LRRC7: variants seen among roughly 807,000 people sequenced by gnomAD.
LRRC7 encodes leucine-rich repeat-containing protein 7.
Under a neutral mutation model 175.7 loss-of-function variants are expected in LRRC7, and 23 were observed. The ratio of observed to expected loss-of-function variants is 0.13; its 90% confidence interval spans 0.09 to 0.19. LRRC7 has a LOEUF of 0.19. Among genes scored for constraint, LRRC7 ranks in the 10% least tolerant of loss-of-function variants. LRRC7 has a pLI of 1.00. For synonymous variants in LRRC7, 685 were observed against 680.9 expected, an observed-to-expected ratio of 1.01 and a Z score of -0.09; for missense variants, 1,354 against 1,904.7, an observed-to-expected ratio of 0.71 and a Z score of 5.38.
chr1:70,004,174 A>G (rs961848881), intron 11 of LRRC7, among the ~76,000 whole-genome samples: 1 of 152,208 alleles, frequency 6.6e-6, no homozygotes, highest in African/African-American at 2.4e-5. Context: ...TTTCTAATGA[A>G]TGCGTTTTCG....
chr1:69,960,328 C>T (rs1650923976), intron 8 of LRRC7, among the ~76,000 whole-genome samples: 1 of 151,622 alleles, frequency 6.6e-6, no homozygotes, highest in Non-Finnish European at 1.5e-5. Flanking sequence ...AGTGGTAATA[C>T]CCCCCCTTAT....
At chr1:69,622,541 T>C (rs533425708) in intron 1 of LRRC7, among the ~76,000 whole-genome samples, 1 of 152,310 alleles carries the variant, frequency 6.6e-6, no homozygotes, top group East Asian at 1.9e-4. Flanking sequence ...ACTTTATATA[T>C]TGACATACAA....
At position 70,134,912 on chromosome 1, in the gene LRRC7, T is replaced by C; in HGVS notation, c.*13025T>C. Among the ~76,000 whole-genome samples, 1 of 152,210 alleles carries C rather than the reference T, an allele frequency of 6.6e-6. No homozygotes were observed. The highest frequency in any genetic ancestry group is 1.9e-4 in the East Asian group (1 of 5,204). On this transcript the variant is annotated 3_prime_UTR_variant, in exon 27 of 27. Coordinates refer to ENST00000651989, the MANE Select transcript of LRRC7 (RefSeq NM_001370785.2). ...CCACCATTGTTTTGGATACAGCTTT[T>C]GAGTTTTTGATTTGCCTGATGTTCT...
intron 8 of LRRC7, among the ~76,000 whole-genome samples, 184 bp downstream of exon 8, chr1:69,931,754 C>T (rs1388758877): frequency 6.6e-6 from 1 of 152,104 alleles, no homozygotes; most frequent in Non-Finnish European, 1.5e-5. Flanking sequence ...GAGCCAGATA[C>T]AAATTGATAG....
chr1:69,877,396 T>C (rs1686137684), intron 7 of LRRC7, among the ~76,000 whole-genome samples: 3 of 152,076 alleles, frequency 2.0e-5, no homozygotes, highest in Admixed American at 1.3e-4. Flanking sequence ...GAGGCTACAA[T>C]GAGCTATGAT....
intron 1 of LRRC7, among the ~76,000 whole-genome samples, chr1:69,664,894 A>G (rs1383646982): frequency 6.6e-6 from 1 of 152,166 alleles, no homozygotes; most frequent in Non-Finnish European, 1.5e-5. Flanking sequence ...AATGTCCTGG[A>G]GAATTTCTTC....
intron 7 of LRRC7, among the ~76,000 whole-genome samples, chr1:69,905,978 T>C (rs1414685277): frequency 2.6e-5 from 4 of 152,260 alleles, no homozygotes; most frequent in Non-Finnish European, 4.4e-5. Flanking sequence ...TATCTCATTG[T>C]GGTTTTGATT....
At chr1:70,012,417 T>G (rs1402126302) in intron 12 of LRRC7, among the ~76,000 whole-genome samples, 1 of 151,888 alleles carries the variant, frequency 6.6e-6, no homozygotes, top group Non-Finnish European at 1.5e-5. Context: ...GTACATTTTT[T>G]AAATTTACTT....
At chr1:69,598,045 C>A (rs1646912342) in intron 1 of LRRC7, among the ~76,000 whole-genome samples, 1 of 152,132 alleles carries the variant, frequency 6.6e-6, no homozygotes, top group South Asian at 2.1e-4. Flanking sequence ...ATTTGTTGAG[C>A]AAAATCCTGC....
chr1:69,815,427 G>C (rs947948319), intron 4 of LRRC7, among the ~76,000 whole-genome samples: 6 of 152,072 alleles, frequency 3.9e-5, no homozygotes, highest in Non-Finnish European at 8.8e-5. Context: ...AAGGTTGGCT[G>C]TGTCTTTTTT....
At chr1:69,681,847 A>G (rs2100616816) in intron 2 of LRRC7, among the ~76,000 whole-genome samples, 1 of 152,186 alleles carries the variant, frequency 6.6e-6, no homozygotes, top group Non-Finnish European at 1.5e-5. Flanking sequence ...AGCACCAGTA[A>G]TTTTTTATGT....
At chr1:69,909,157 G>T (rs1360602388) in intron 7 of LRRC7, among the ~76,000 whole-genome samples, 1 of 151,844 alleles carries the variant, frequency 6.6e-6, no homozygotes, top group Admixed American at 6.6e-5. Context: ...TTGAGCCTAT[G>T]TGTGTCTCTG....
At chr1:69,686,403 C>T (rs1362232328) in intron 2 of LRRC7, among the ~76,000 whole-genome samples, 2 of 151,978 alleles carry the variant, frequency 1.3e-5, no homozygotes, top group African/African-American at 4.8e-5. Flanking sequence ...ACTATAATAC[C>T]ATCTGATGTG....
intron 11 of LRRC7, among the ~76,000 whole-genome samples, chr1:70,010,548 G>A (rs968378266): frequency 6.6e-6 from 1 of 152,060 alleles, no homozygotes; most frequent in African/African-American, 2.4e-5. Flanking sequence ...CTGGATGACA[G>A]AGCAAGACTA....
At chr1:69,781,733 A>AAGAGAGAGAG (rs755676231) in intron 3 of LRRC7, among the ~76,000 whole-genome samples, 2 of 23,542 alleles carry the variant, frequency 8.5e-5, no homozygotes, top group Non-Finnish European at 1.4e-4. Flanking sequence ...GAAAGAAAGA[A>AAGAGAGAGAG]AGAGAGAGAG....
intron 2 of LRRC7, among the ~76,000 whole-genome samples, chr1:69,748,815 C>T (rs1353036561): frequency 6.6e-6 from 1 of 152,122 alleles, no homozygotes; most frequent in Non-Finnish European, 1.5e-5. Context: ...TATCTGACTA[C>T]TTCTGCTCTG....
chr1:69,932,066 T>TA, intron 8 of LRRC7, among the ~76,000 whole-genome samples: 1 of 152,352 alleles, frequency 6.6e-6, no homozygotes, highest in East Asian at 1.9e-4. Flanking sequence ...CCCATATTAC[T>TA]ACTTCACTGC....
At chr1:69,832,169 G>C (rs1296473647) in intron 5 of LRRC7, among the ~76,000 whole-genome samples, 2 of 152,144 alleles carry the variant, frequency 1.3e-5, no homozygotes, top group African/African-American at 4.8e-5. Flanking sequence ...TTGGCCATTG[G>C]ACTTTAACTT....
chr1:70,066,975 T>G (rs747652507), intron 23 of LRRC7, among the ~76,000 whole-genome samples: 6 of 152,094 alleles, frequency 3.9e-5, no homozygotes, highest in Non-Finnish European at 8.8e-5. Flanking sequence ...ACTCAGATTA[T>G]GAGGTGAATT....
Sources: allele counts gnomAD v4.1 joint callset (sites outside exome capture counted in the v4.1 genomes callset), GRCh38; gene constraint gnomAD v4.1.1; transcripts MANE v1.5; gene names NCBI Gene and HGNC (gene_info 2026-07-23, HGNC 2026-07-21).